PRKN: variants seen among roughly 807,000 people sequenced by gnomAD.
PRKN encodes E3 ubiquitin-protein ligase parkin.
Under a neutral mutation model 59.5 loss-of-function variants are expected in PRKN, and 56 were observed. That is an observed-to-expected ratio of 0.94 (90% CI 0.76 to 1.18). The LOEUF (loss-of-function observed/expected upper bound fraction) is 1.18. Among genes scored for constraint, PRKN ranks in the 50% most tolerant of loss-of-function variants. The pLI is 0.00. For synonymous variants in PRKN, 250 were observed against 222.1 expected, an observed-to-expected ratio of 1.13 and a Z score of -1.12; for missense variants, 657 against 596.4, an observed-to-expected ratio of 1.10 and a Z score of -1.06.
chr6:162,530,795 G>A (rs1197283147), intron 1 of PRKN, among the ~76,000 whole-genome samples: 4 of 152,134 alleles, frequency 2.6e-5, no homozygotes, highest in Non-Finnish European at 2.9e-5. Flanking sequence ...AGTGGCTCAC[G>A]CCCATAATCC....
chr6:161,963,093 A>C lies in PRKN; in HGVS notation c.734+10209T>G, dbSNP rs183285179. Among the ~76,000 whole-genome samples the C allele has an allele frequency of 2.3e-4, 35 of 152,288 alleles. No individual in the cohort carries two copies. In the East Asian group the frequency reaches 6.4e-3, roughly 28 times the overall value. On this transcript the variant is annotated intron_variant, in intron 6 of 11. Transcript: ENST00000366898. ...AGGAGGCGGAAGTTGCAGTGAGCCAAGATTGAGCCATTGCACCCCAGCCTG... is the reference window on the plus strand; with the variant it reads ...AGGAGGCGGAAGTTGCAGTGAGCCACGATTGAGCCATTGCACCCCAGCCTG...
At chr6:162,206,588 G>C (rs1476688081) in intron 3 of PRKN, among the ~76,000 whole-genome samples, 1 of 152,230 alleles carries the variant, frequency 6.6e-6, no homozygotes, top group East Asian at 1.9e-4. Context: ...AGTTACACCT[G>C]CCATATTCCC....
At chr6:161,790,222 T>A (rs1351244090) in intron 6 of PRKN, among the ~76,000 whole-genome samples, 1 of 152,182 alleles carries the variant, frequency 6.6e-6, no homozygotes, top group Non-Finnish European at 1.5e-5. Flanking sequence ...AGAAATGTTG[T>A]TTCTAAGCAG....
rs142058914 is a variant in PRKN at position 161,661,004 on chromosome 6, C to T, written c.872-91588G>A. 9.5e-4 allele frequency among the ~76,000 whole-genome samples: 145 copies of T among 152,246 alleles called. 2 individuals carry two copies. The East Asian group carries it at 0.021, about 22-fold the overall frequency. On this transcript the variant is annotated intron_variant, in intron 7 of 11. Transcript: ENST00000366898. ...CTCATGCCAGTATCTAACCCACATA[C>T]CTCTCGTATGTGCAGAGACTGGTGG...
intron 7 of PRKN, among the ~76,000 whole-genome samples, chr6:161,689,514 C>T (rs949764010): frequency 2.0e-5 from 3 of 152,084 alleles, no homozygotes; most frequent in Admixed American, 6.6e-5. Flanking sequence ...TGATTATTTT[C>T]CATGCCAAGA....
intron 4 of PRKN, among the ~76,000 whole-genome samples, chr6:162,160,912 A>G (rs1217375363): frequency 3.4e-5 from 5 of 147,094 alleles, no homozygotes; most frequent in East Asian, 2.3e-4. Context: ...AAAAAAAAAA[A>G]AAAAAGAAAA....
At position 161,861,643 on chromosome 6, in the gene PRKN, C is replaced by T. The variant is rs561261701; in HGVS notation, c.735-75735G>A. On this transcript the variant is annotated intron_variant, in intron 6 of 11. Coordinates refer to ENST00000366898, the MANE Select transcript of PRKN (RefSeq NM_004562.3). Reference sequence around the variant, plus strand: ...AAAAAAAAAAAAAAAACCTTAGAGTCGTCAGTTGCACCCCTTTTTCTTCTC... The same window carrying T: ...AAAAAAAAAAAAAAAACCTTAGAGTTGTCAGTTGCACCCCTTTTTCTTCTC... Among the ~76,000 whole-genome samples, 54 of 150,910 alleles carry T rather than the reference C, an allele frequency of 3.6e-4. 1 individual carries two copies. In the South Asian group the frequency reaches 5.2e-3, roughly 15 times the overall value.
chr6:161,989,204 A>G (rs1432010524), intron 5 of PRKN, among the ~76,000 whole-genome samples: 2 of 152,228 alleles, frequency 1.3e-5, no homozygotes, highest in African/African-American at 4.8e-5. Flanking sequence ...ATATGTGAAG[A>G]TTATGATATC....
intron 7 of PRKN, among the ~76,000 whole-genome samples, chr6:161,604,609 G>A (rs1034207959): frequency 2.0e-5 from 3 of 152,228 alleles, no homozygotes; most frequent in Non-Finnish European, 4.4e-5. Context: ...AGATGAGAAT[G>A]AGTCTCTGAA....
intron 7 of PRKN, among the ~76,000 whole-genome samples, chr6:161,767,837 A>G (rs983683832): frequency 2.0e-5 from 3 of 152,154 alleles, no homozygotes; most frequent in African/African-American, 7.2e-5. Flanking sequence ...CAGGGGAGGT[A>G]GCAGCCCCTC....
chr6:161,512,847 G>T (rs1778445537), intron 9 of PRKN, among the ~76,000 whole-genome samples: 1 of 152,156 alleles, frequency 6.6e-6, no homozygotes, highest in African/African-American at 2.4e-5. Flanking sequence ...AAATTAAGGT[G>T]GCACAGCTTT....
intron 5 of PRKN, among the ~76,000 whole-genome samples, chr6:162,011,120 A>ATAATATAGTATAT (rs1562458126): frequency 5.8e-4 from 3 of 5,144 alleles, no homozygotes; most frequent in African/African-American, 5.2e-3. Flanking sequence ...TATATAATAT[A>ATAATATAGTATAT]TTTATAATAT....
chr6:161,542,645 A>G (rs1183704378), intron 9 of PRKN, among the ~76,000 whole-genome samples: 3 of 152,230 alleles, frequency 2.0e-5, no homozygotes, highest in Admixed American at 6.5e-5. Flanking sequence ...TTGACATTTC[A>G]TAACACCAAC....
intron 1 of PRKN, among the ~76,000 whole-genome samples, chr6:162,507,769 G>A (rs1196185054): frequency 2.0e-5 from 3 of 152,150 alleles, no homozygotes; most frequent in African/African-American, 4.8e-5. Flanking sequence ...TCAACAAGAC[G>A]AAGATCACCT....
intron 7 of PRKN, among the ~76,000 whole-genome samples, chr6:161,682,916 C>G (rs1785422781): frequency 6.6e-6 from 1 of 152,214 alleles, no homozygotes; most frequent in Non-Finnish European, 1.5e-5. Flanking sequence ...CCAATGGAGA[C>G]TGCACTGTCT....
At chr6:162,393,946 T>C (rs1278993008) in intron 2 of PRKN, among the ~76,000 whole-genome samples, 2 of 152,220 alleles carry the variant, frequency 1.3e-5, no homozygotes, top group African/African-American at 4.8e-5. Context: ...TATATGGTCA[T>C]TTTGATTACA....
chr6:162,395,566 C>A (rs1322610903), intron 2 of PRKN, among the ~76,000 whole-genome samples: 1 of 152,224 alleles, frequency 6.6e-6, no homozygotes, highest in African/African-American at 2.4e-5. Context: ...CTCCACAATT[C>A]CAGACCTACG....
intron 2 of PRKN, among the ~76,000 whole-genome samples, chr6:162,418,596 AAG>A (rs768706317): frequency 8.8e-5 from 10 of 113,356 alleles, no homozygotes; most frequent in Non-Finnish European, 1.2e-4. Context: ...AAAAGTGATG[AAG>A]AGAGAGGGAC....
chr6:161,861,948 T>G (rs1316146749), intron 6 of PRKN, among the ~76,000 whole-genome samples: 1 of 152,236 alleles, frequency 6.6e-6, no homozygotes, highest in Non-Finnish European at 1.5e-5. Context: ...ACGACTGTGC[T>G]TGCTCTGAAG....
Sources: gnomAD v4.1 joint callset for allele counts (sites outside exome capture counted in the v4.1 genomes callset) on GRCh38, gnomAD v4.1.1 for gene constraint, MANE v1.5 for transcripts, NCBI Gene and HGNC (gene_info 2026-07-23, HGNC 2026-07-21) for gene names.